CALHM4: variants seen among roughly 807,000 people sequenced by gnomAD.
The protein encoded by CALHM4 is calcium homeostasis modulator protein 4.
Under a neutral mutation model 13.3 loss-of-function variants are expected in CALHM4, and 16 were observed. The ratio of observed to expected loss-of-function variants is 1.20; its 90% CI spans 0.81 to 1.82. The LOEUF (loss-of-function observed/expected upper bound fraction) is 1.82, where lower values mean the gene tolerates loss of function less well. Ranked by LOEUF, CALHM4 falls within the 40% of genes most tolerant of loss-of-function variation. CALHM4 has a pLI of 0.00. For missense variants in CALHM4, 344 were observed against 374.9 expected (o/e 0.92, Z 0.68); for synonymous variants, 127 against 137.1 (o/e 0.93, Z 0.52).
At chr6:116,535,156 A>G (rs1772999976) in intron 1 of CALHM4, among the ~76,000 whole-genome samples, 1 of 152,234 alleles carries the variant, frequency 6.6e-6, no homozygotes, top group Non-Finnish European at 1.5e-5. Flanking sequence ...ATTTATGATT[A>G]TAATTCAATG....
intron 1 of CALHM4, among the ~76,000 whole-genome samples, chr6:116,557,555 A>C (rs1243869205): frequency 3.9e-5 from 6 of 152,228 alleles, no homozygotes; most frequent in Non-Finnish European, 7.3e-5. Flanking sequence ...CTGTCACTTC[A>C]AGGACAGTAC....
chr6:116,543,414 G>C (rs1326001345), intron 1 of CALHM4: 1 of 1,535,720 alleles, frequency 6.5e-7, no homozygotes, highest in African/African-American at 1.4e-5. Context: ...GAGAAAAAGG[G>C]GTAGTTTCTG....
intron 1 of CALHM4, chr6:116,540,471 G>A: frequency 6.5e-7 from 1 of 1,549,980 alleles, no homozygotes; most frequent in Non-Finnish European, 8.7e-7. Context: ...CCCTGTGGAT[G>A]ACGGAAAGAG....
chr6:116,560,866 T>C lies in CALHM4; in HGVS notation c.*2655T>C, dbSNP rs1774562453. On this transcript the variant is annotated 3_prime_UTR_variant, in exon 2 of 2. Transcript: ENST00000368596. ...ACATCAAACCCTGGAGCTTGACATA[T>C]ATAAACCTGCTCCTTTCTTAATTTC... Among the ~76,000 whole-genome samples the C allele has an allele frequency of 1.3e-5, 2 of 152,328 alleles. No homozygotes were observed. Among genetic ancestry groups the C allele is most frequent in the African/African-American group, 2.4e-5 (1 of 41,580 alleles).
Position 116,560,125 on chromosome 6 carries a change from T to C in CALHM4, c.*1914T>C, listed in dbSNP as rs971739825. 3.9e-5 allele frequency among the ~76,000 whole-genome samples: 6 copies of C among 152,188 alleles called. No homozygotes were observed. The highest frequency in any genetic ancestry group is 1.4e-4 in the African/African-American group (6 of 41,456). On this transcript the variant is annotated 3_prime_UTR_variant, in exon 2 of 2. Coordinates refer to ENST00000368596, the MANE Select transcript of CALHM4 (RefSeq NM_001366078.2). The stretch of plus-strand genomic sequence containing the variant: ...AATATGGAATGTCACATCCATTTTG[T>C]TCCCTAAGGTCTGCTCCAGTTCTAA...
chr6:116,543,662 A>C (rs1773598123), intron 1 of CALHM4: 2 of 721,196 alleles, frequency 2.8e-6, no homozygotes, highest in Admixed American at 5.7e-5. Flanking sequence ...ATTTGCTTAC[A>C]TGATAACTTG....
At chr6:116,545,709 T>G in intron 2 of CALHM4, 1 of 416,334 alleles carries the variant, frequency 2.4e-6, no homozygotes. Context: ...ACAACAGGAT[T>G]GTCTTATAGC....
chr6:116,529,226 C>G (rs191393259), intron 1 of CALHM4: 2 of 152,348 alleles, frequency 1.3e-5, no homozygotes, highest in East Asian at 1.9e-4. Context: ...TCACTAGACC[C>G]TGGGGACTCT....
At chr6:116,539,105 T>C (rs947687669) in intron 1 of CALHM4, among the ~76,000 whole-genome samples, 2 of 152,186 alleles carry the variant, frequency 1.3e-5, no homozygotes, top group Non-Finnish European at 2.9e-5. Flanking sequence ...GGCTACCAAC[T>C]AGAAATGCAA....
intron 1 of CALHM4, 73 bp downstream of exon 1, chr6:116,554,424 T>A (rs550541499): frequency 8.2e-7 from 1 of 1,219,548 alleles, no homozygotes; most frequent in Non-Finnish European, 1.1e-6. Context: ...CATTTCAGAT[T>A]CCTACTGCTT....
At position 116,554,034 on chromosome 6, in the gene CALHM4, T is replaced by G; in HGVS notation, c.241T>G (p.Tyr81Asp). 6.4e-7 allele frequency: 1 copy of G among 1,550,726 alleles called. No homozygotes were observed. The highest frequency in any genetic ancestry group is 8.7e-7 in the Non-Finnish European group (1 of 1,147,028). ...CCAAATGTGGACAATTACCGGTGAA[T>G]ACTGCTGCAGCTGTGCCCCTCCATA... ...RSQMWTITGE[Y>D]CCSCAPPYRR... The change falls in exon 1 of 2, where the codon TAC becomes GAC. Residue 81 changes from tyrosine (Y) to aspartate (D), a missense_variant. Tyr to Asp is a radical substitution (Grantham distance 160). Transcript: ENST00000368596.
At chr6:116,529,428 T>TGC (rs1319165933) in intron 1 of CALHM4, among the ~76,000 whole-genome samples, 8 of 152,154 alleles carry the variant, frequency 5.3e-5, no homozygotes, top group African/African-American at 1.9e-4. Flanking sequence ...GGAAGGGAAA[T>TGC]ATGGGGTAGC....
At chr6:116,543,436 G>C in intron 1 of CALHM4, 1 of 1,471,366 alleles carries the variant, frequency 6.8e-7, no homozygotes. Flanking sequence ...TTATAGGCAA[G>C]TTATGACAGT....
Position 116,556,750 on chromosome 6 carries a change from C to T in CALHM4, c.559-1075C>T, listed in dbSNP as rs922385573. On this transcript the variant is annotated intron_variant, in intron 1 of 1. Coordinates refer to ENST00000368596, the MANE Select transcript of CALHM4 (RefSeq NM_001366078.2). ...AAGGATTCTAAGAATAGAAAACAGC[C>T]ATTTGATTCAATCTTTAAAAGCCGA... is the stretch of plus-strand genomic sequence containing the variant. Among the ~76,000 whole-genome samples, 3 of 152,058 alleles carry T rather than the reference C, an allele frequency of 2.0e-5. No individual in the cohort carries two copies. In the South Asian group the frequency reaches 6.2e-4, roughly 32 times the overall value.
chr6:116,553,053 G>A (rs1774151858), upstream of CALHM4, among the ~76,000 whole-genome samples: 1 of 152,322 alleles, frequency 6.6e-6, no homozygotes, highest in Admixed American at 6.5e-5. Flanking sequence ...CAGCCTGGGC[G>A]ACAGAGCGAG....
chr6:116,542,509 C>T (rs1309516281), intron 1 of CALHM4, among the ~76,000 whole-genome samples: 1 of 152,128 alleles, frequency 6.6e-6, no homozygotes, highest in Admixed American at 6.6e-5. Context: ...GATAAATCTT[C>T]TAACCAGTAC....
At chr6:116,554,761 T>G (rs1275866553) in intron 1 of CALHM4, among the ~76,000 whole-genome samples, 1 of 152,176 alleles carries the variant, frequency 6.6e-6, no homozygotes, top group Non-Finnish European at 1.5e-5. Flanking sequence ...TGTATATATA[T>G]ATTCTTAAAT....
chr6:116,534,307 T>A (rs907537101), intron 1 of CALHM4, among the ~76,000 whole-genome samples: 4 of 152,228 alleles, frequency 2.6e-5, no homozygotes, highest in African/African-American at 9.6e-5. Context: ...AAGTGTCAAA[T>A]CAGTGCTTCA....
chr6:116,558,226 A>G lies in CALHM4; in HGVS notation c.*15A>G, dbSNP rs767927937. 6.3e-7 allele frequency: 1 copy of G among 1,595,444 alleles called. No individual in the cohort carries two copies. The highest frequency in any genetic ancestry group is 8.5e-7 in the Non-Finnish European group (1 of 1,171,268). On this transcript the variant is annotated 3_prime_UTR_variant, in exon 2 of 2. Coordinates refer to ENST00000368596, the MANE Select transcript of CALHM4 (RefSeq NM_001366078.2). Reference sequence around the variant, plus strand: ...TAAAACCTTGATTACAGCACCTTTCATGAGTCAGGTTGCTTAGCAGATACT... The same window carrying G: ...TAAAACCTTGATTACAGCACCTTTCGTGAGTCAGGTTGCTTAGCAGATACT...
Sources: allele counts gnomAD v4.1 joint callset (sites outside exome capture counted in the v4.1 genomes callset), GRCh38; gene constraint gnomAD v4.1.1; transcripts MANE v1.5; gene names NCBI Gene and HGNC (gene_info 2026-07-23, HGNC 2026-07-21).